Variants in HCN2 observed in about 807,000 individuals in gnomAD.
HCN2 encodes the protein potassium/sodium hyperpolarization-activated cyclic nucleotide-gated channel 2.
A neutral mutation model predicts 52.3 loss-of-function variants in HCN2; 20 were observed. The ratio of observed to expected loss-of-function variants is 0.38; its 90% CI spans 0.27 to 0.56. The LOEUF (loss-of-function observed/expected upper bound fraction) is 0.56, where lower values mean the gene tolerates loss of function less well. HCN2 is among the 20% of genes least tolerant of loss of function. HCN2 has a pLI of 0.71. For missense variants in HCN2, 981 were observed against 1,207.7 expected (o/e 0.81, Z 2.78); for synonymous variants, 694 against 537.0 (o/e 1.29, Z -4.04).
chr19:607,590 C>T (rs985719848), intron 3 of HCN2, among the ~76,000 whole-genome samples: 1 of 152,236 alleles, frequency 6.6e-6, no homozygotes, highest in African/African-American at 2.4e-5. Flanking sequence ...CTGGGCCGGC[C>T]TGGTGTCTCT....
chr19:603,977 GGCGGGGGCGGGGCCAAGGCA>G lies in HCN2; in HGVS notation c.1056+13_1056+32del. The G allele has an allele frequency of 6.3e-7, 1 of 1,589,946 alleles. No individual in the cohort carries two copies. Among genetic ancestry groups the G allele is most frequent in the Non-Finnish European group, 8.5e-7 (1 of 1,170,582 alleles). The stretch of plus-strand genomic sequence containing the variant: ...CCATCAGTGGGAGGAGGTGAGGTGG[GGCGGGGGCGGGGCCAAGGCA>G]GCAGGGGCGGGGCTATAATGGTGCA... On this transcript the variant is annotated intron_variant, in intron 2 of 7. Coordinates refer to ENST00000251287, the MANE Select transcript of HCN2 (RefSeq NM_001194.4).
chr19:612,684 G>A lies in HCN2; in HGVS notation c.1585-564G>A, dbSNP rs538468725. 2.6e-5 allele frequency among the ~76,000 whole-genome samples: 4 copies of A among 151,874 alleles called. No individual in the cohort carries two copies. The South Asian group carries it at 6.3e-4, about 24-fold the overall frequency. On this transcript the variant is annotated intron_variant, in intron 5 of 7. Coordinates refer to ENST00000251287, the MANE Select transcript of HCN2 (RefSeq NM_001194.4). ...CCCACCTTGGCCTCCCAGAGTGCTG[G>A]GATTACAGGTGTGAGCCACCACGCC...
At chr19:614,764 C>T (rs1054301588) in intron 7 of HCN2, among the ~76,000 whole-genome samples, 4 of 151,968 alleles carry the variant, frequency 2.6e-5, no homozygotes, top group African/African-American at 4.8e-5. Context: ...AGATTGTATC[C>T]GCCAAGGCGG....
At chr19:611,068 C>T (rs1332972169) in intron 5 of HCN2, among the ~76,000 whole-genome samples, 1 of 152,226 alleles carries the variant, frequency 6.6e-6, no homozygotes, top group East Asian at 1.9e-4. Flanking sequence ...GTAAATTCAT[C>T]CGTCGTTGGA....
rs1388581416 is a variant in HCN2 at position 616,643 on chromosome 19, G to A, written c.*169G>A. On this transcript the variant is annotated 3_prime_UTR_variant, in exon 8 of 8. Coordinates refer to ENST00000251287, the MANE Select transcript of HCN2 (RefSeq NM_001194.4). ...CAGGGCCGGCGGGGCAGCCCCCTCC[G>A]CGCCCCCGGCCGTCCCCCCTCATCG... 6.8e-6 allele frequency: 2 copies of A among 294,072 alleles called. No individual in the cohort carries two copies. Among genetic ancestry groups the A allele is most frequent in the East Asian group, 7.1e-5 (1 of 14,114 alleles). The allele number at this position is 294,072 out of a possible 1,614,324, so 18.2% of individuals were successfully genotyped here.
intron 7 of HCN2, 77 bp from the exon 8 acceptor site, chr19:615,718 G>A: frequency 6.9e-7 from 1 of 1,458,152 alleles, no homozygotes; most frequent in South Asian, 1.1e-5. Flanking sequence ...CGCACCCGCG[G>A]TGCAGAGTAG....
chr19:617,113 AC>A lies in HCN2; in HGVS notation c.*644del. The A allele has an allele frequency of 3.4e-6, 2 of 595,248 alleles. No homozygotes were observed. Among genetic ancestry groups the A allele is most frequent in the Admixed American group, 2.8e-5 (1 of 35,730 alleles). The allele number at this position is 595,248 out of a possible 1,614,324, so 36.9% of individuals were successfully genotyped here. Reference sequence around the variant, plus strand: ...CACCGTGGCCCCCCACGCCCCATTAACCCCCACACCCCCATTCCGCGCAATA... The same window carrying A: ...CACCGTGGCCCCCCACGCCCCATTAACCCCACACCCCCATTCCGCGCAATA... On this transcript the variant is annotated 3_prime_UTR_variant, in exon 8 of 8. Transcript: ENST00000251287.
intron 2 of HCN2, among the ~76,000 whole-genome samples, chr19:604,535 C>T (rs1209891778): frequency 1.1e-5 from 1 of 92,270 alleles, no homozygotes; most frequent in Admixed American, 1.2e-4. Flanking sequence ...TGTGAGGGTG[C>T]TGGGCGGGGT....
chr19:615,696 A>AAGCACTG, intron 7 of HCN2, 99 bp from the exon 8 acceptor site: 1 of 1,147,986 alleles, frequency 8.7e-7, no homozygotes, highest in East Asian at 2.4e-5. Context: ...TCTACACGGC[A>AAGCACTG]AGCACTGTGT....
intron 5 of HCN2, among the ~76,000 whole-genome samples, chr19:612,179 C>A (rs1337737228): frequency 6.6e-6 from 1 of 151,872 alleles, no homozygotes; most frequent in Non-Finnish European, 1.5e-5. Flanking sequence ...TGCCCCAGGT[C>A]ATAAGGGCAC....
intron 1 of HCN2, among the ~76,000 whole-genome samples, chr19:602,222 CCCT>C (rs1304857066): frequency 2.6e-5 from 1 of 38,306 alleles, no homozygotes; most frequent in East Asian, 5.5e-4. Flanking sequence ...ACGCCCCACT[CCCT>C]CCTCTCTCCT....
chr19:614,179 C>T (rs1600539884), intron 7 of HCN2, among the ~76,000 whole-genome samples, 163 bp downstream of exon 7: 1 of 147,138 alleles, frequency 6.8e-6, no homozygotes, highest in Non-Finnish European at 1.5e-5. Flanking sequence ...GGAGTGTGGC[C>T]ATGGCAGCAG....
intron 4 of HCN2, among the ~76,000 whole-genome samples, chr19:609,258 G>C (rs1034615480): frequency 6.6e-6 from 1 of 152,214 alleles, no homozygotes; most frequent in Non-Finnish European, 1.5e-5. Context: ...CTGCCGGGGG[G>C]CACCGTCCTG....
Position 592,787 on chromosome 19 carries a change from C to G in HCN2, c.632+2210C>G, listed in dbSNP as rs755030612. Among the ~76,000 whole-genome samples, 28 of 152,124 alleles carry G rather than the reference C, an allele frequency of 1.8e-4. No homozygotes were observed. Among genetic ancestry groups the G allele is most frequent in the Admixed American group, 1.1e-3 (17 of 15,280 alleles). ...CTCAAAAGCTCCCTAAGCAGGCGGC[C>G]GGACCCTGCTGTGGAGGGTGTTTTG... On this transcript the variant is annotated intron_variant, in intron 1 of 7. Transcript: ENST00000251287. The surrounding 1 kb of genome is among the most constrained non-coding windows in gnomAD (Gnocchi z 4.8).
intron 5 of HCN2, among the ~76,000 whole-genome samples, chr19:612,733 CTT>C (rs113702582): frequency 0.43 from 60,221 of 141,444 alleles, 12,558 homozygotes; most frequent in Middle Eastern, 0.47. Flanking sequence ...CCCCCATTTT[CTT>C]TTTTTTTTTT....
chr19:612,171 C>T (rs1983666105), intron 5 of HCN2, among the ~76,000 whole-genome samples: 1 of 151,548 alleles, frequency 6.6e-6, no homozygotes, highest in Non-Finnish European at 1.5e-5. Flanking sequence ...CCAAAAAGTG[C>T]CCCAGGTCAT....
chr19:613,581 G>C (rs1412432273), intron 6 of HCN2, 93 bp downstream of exon 6: 5 of 152,996 alleles, frequency 3.3e-5, no homozygotes, highest in Non-Finnish European at 3.0e-5. Context: ...CCGGGGCCGG[G>C]GATGGGGATG....
intron 5 of HCN2, among the ~76,000 whole-genome samples, chr19:612,423 T>A (rs548211226): frequency 0.18 from 23,116 of 126,010 alleles, 1,881 homozygotes; most frequent in Non-Finnish European, 0.22. Context: ...TGTGTGTGTG[T>A]GTGTGAGAGA....
In HCN2 at chr19:617,067, G is replaced by A. The variant is rs1037628971; in HGVS notation, c.*593G>A. On this transcript the variant is annotated 3_prime_UTR_variant, in exon 8 of 8. Transcript: ENST00000251287. Reference sequence around the variant, plus strand: ...CCGCCGCCGTGATGAATGTACTGACGAGCCGAGGCAGCAGTGCCCCCACCG... The same window carrying A: ...CCGCCGCCGTGATGAATGTACTGACAAGCCGAGGCAGCAGTGCCCCCACCG... 19 of 577,802 alleles carry A rather than the reference G, an allele frequency of 3.3e-5. No homozygotes were observed. The highest frequency in any genetic ancestry group is 1.2e-4 in the East Asian group (4 of 34,290). 35.8% of individuals were successfully genotyped at this position (577,802 alleles called of 1,614,324 possible). A position where few individuals can be genotyped will look rare whatever the true frequency, so the allele number is the denominator to read the frequency against.
Sources: gnomAD v4.1 joint callset for allele counts (sites outside exome capture counted in the v4.1 genomes callset) on GRCh38, gnomAD v4.1.1 for gene constraint, Gnocchi (gnomAD v3.1) non-coding constraint, MANE v1.5 for transcripts, NCBI Gene and HGNC (gene_info 2026-07-23, HGNC 2026-07-21) for gene names.